The following SGK1 variants were observed in gnomAD, a reference collection of about 807,000 sequenced individuals.
The protein encoded by SGK1 is serum/glucocorticoid regulated kinase 1.
SGK1 carries 26 observed loss-of-function variants against 64.2 expected under a neutral mutation model. That is an observed-to-expected ratio of 0.40 (90% CI 0.30 to 0.56). The LOEUF (loss-of-function observed/expected upper bound fraction) is 0.56. Ranked by LOEUF, SGK1 falls within the 20% of genes least tolerant of loss-of-function variation. The pLI is 0.38. For synonymous variants in SGK1, 265 were observed against 239.7 expected (o/e 1.11, Z -0.98); for missense variants, 519 against 645.6 (o/e 0.80, Z 2.12).
intron 3 of SGK1, 188 bp from the exon 4 acceptor site, chr6:134,174,774 G>A (rs377644080): frequency 1.2e-6 from 2 of 1,614,202 alleles, no homozygotes; most frequent in South Asian, 1.1e-5. Context: ...GAGTAAGTGA[G>A]GGTGCCCTTA....
In SGK1 at chr6:134,171,035, G is replaced by A; in HGVS notation, c.1311C>T (p.Ala437=). The change falls in exon 12 of 14, where the codon GCC becomes GCT. Residue 437 remains alanine (A), a synonymous_variant. Coordinates refer to ENST00000367858, the MANE Select transcript of SGK1 (RefSeq NM_001143676.3). Reference sequence around the variant, plus strand: ...AAACATCACTCACGAAGTCATCCTTGGCCCCGAGCCGCTTTGTCCTGTCCT... The same window carrying A: ...AAACATCACTCACGAAGTCATCCTTAGCCCCGAGCCGCTTTGTCCTGTCCT... ...LQKDRTKRLG[A]KDDFMEIKSH... is the part of the protein sequence containing the mutation. 6.2e-7 allele frequency: 1 copy of A among 1,614,114 alleles called. No individual in the cohort carries two copies. The highest frequency in any genetic ancestry group is 8.5e-7 in the Non-Finnish European group (1 of 1,179,982).
intron 1 of SGK1, among the ~76,000 whole-genome samples, chr6:134,289,405 T>C (rs1407459931): frequency 6.6e-6 from 1 of 152,172 alleles, no homozygotes; most frequent in African/African-American, 2.4e-5. Flanking sequence ...AAGTGTATAG[T>C]CTAGAGGAGT....
intron 3 of SGK1, among the ~76,000 whole-genome samples, chr6:134,207,061 TA>T (rs959111420): frequency 4.0e-5 from 6 of 150,508 alleles, no homozygotes; most frequent in Non-Finnish European, 8.9e-5. Context: ...CCATCTCTAC[TA>T]AAAATACAAA....
chr6:134,170,309 G>A lies in SGK1; in HGVS notation c.1540C>T (p.Leu514=). 1.2e-6 allele frequency: 2 copies of A among 1,613,938 alleles called. No individual in the cohort carries two copies. Among genetic ancestry groups the A allele is most frequent in the Non-Finnish European group, 1.7e-6 (2 of 1,179,870 alleles). The change falls in exon 14 of 14, where the codon CTA becomes TTA. Residue 514 remains leucine (L), a synonymous_variant. Coordinates refer to ENST00000367858, the MANE Select transcript of SGK1 (RefSeq NM_001143676.3). ...GTGGGAGGCGCATAGGAAAAGCCTA[G>A]GAAAGCCTCGGCAGCTTCCTTGACG... ...ASVKEAAEAF[L]GFSYAPPTDS...
Position 134,207,172 on chromosome 6 carries a change from G to A in SGK1, c.361+184C>T, listed in dbSNP as rs964413680. Among the ~76,000 whole-genome samples the A allele has an allele frequency of 8.5e-5, 13 of 152,200 alleles. No homozygotes were observed. The East Asian group carries it at 2.5e-3, about 29-fold the overall frequency. ...ACCTGGGAGGCGGAGCTTGCAGTGA[G>A]CTGAGATTGCGCCACTGCCCTCCAA... is the stretch of plus-strand genomic sequence containing the variant. On this transcript the variant is annotated intron_variant, in intron 3 of 13. Transcript: ENST00000367858.
intron 2 of SGK1, among the ~76,000 whole-genome samples, chr6:134,240,938 A>C (rs549946303): frequency 2.6e-5 from 4 of 152,258 alleles, no homozygotes; most frequent in South Asian, 4.1e-4. Flanking sequence ...ACAAGACTGG[A>C]GAAGAAGCCC....
intron 3 of SGK1, among the ~76,000 whole-genome samples, chr6:134,185,956 C>G (rs1053146334): frequency 6.6e-6 from 1 of 152,142 alleles, no homozygotes; most frequent in African/African-American, 2.4e-5. Flanking sequence ...ACACTACCCC[C>G]CACACCCCCC....
chr6:134,286,722 C>T (rs1258229530), intron 1 of SGK1, among the ~76,000 whole-genome samples: 1 of 152,062 alleles, frequency 6.6e-6, no homozygotes, highest in Non-Finnish European at 1.5e-5. Context: ...CCGCCTCAGC[C>T]TCCCAAAGTG....
chr6:134,195,800 C>T (rs1015594733), intron 3 of SGK1, among the ~76,000 whole-genome samples: 3 of 152,148 alleles, frequency 2.0e-5, no homozygotes, highest in Non-Finnish European at 4.4e-5. Flanking sequence ...AGTTTTGTGT[C>T]TGGGGCTCCA....
At chr6:134,212,817 A>T (rs1408633842) in intron 2 of SGK1, among the ~76,000 whole-genome samples, 1 of 152,146 alleles carries the variant, frequency 6.6e-6, no homozygotes, top group East Asian at 1.9e-4. Flanking sequence ...CTATATACCT[A>T]TTTGGGAAAA....
At chr6:134,200,789 A>G (rs1016277766) in intron 3 of SGK1, among the ~76,000 whole-genome samples, 1 of 152,018 alleles carries the variant, frequency 6.6e-6, no homozygotes, top group African/African-American at 2.4e-5. Context: ...TTATAGTCCC[A>G]GCTTCTTGTG....
intron 1 of SGK1, among the ~76,000 whole-genome samples, chr6:134,264,552 A>C (rs1776820671): frequency 6.6e-6 from 1 of 152,168 alleles, no homozygotes; most frequent in South Asian, 2.1e-4. Flanking sequence ...ATATTCAACC[A>C]ATTAGTGAAA....
intron 3 of SGK1, among the ~76,000 whole-genome samples, chr6:134,183,114 C>G (rs540493591): frequency 3.3e-4 from 50 of 152,230 alleles, no homozygotes; most frequent in African/African-American, 1.2e-3. Flanking sequence ...TGAACCTAGC[C>G]TCTGTTAGTT....
chr6:134,219,657 G>C (rs1776048597), intron 2 of SGK1, among the ~76,000 whole-genome samples: 2 of 151,662 alleles, frequency 1.3e-5, no homozygotes, highest in Admixed American at 6.6e-5. Flanking sequence ...CTACTAGGGA[G>C]GCAGAGGCAG....
intron 3 of SGK1, among the ~76,000 whole-genome samples, chr6:134,181,656 C>T (rs1775333296): frequency 6.6e-6 from 1 of 151,528 alleles, no homozygotes; most frequent in Non-Finnish European, 1.5e-5. Flanking sequence ...AAGTCTCTCC[C>T]ATTTCTGAGC....
intron 3 of SGK1, among the ~76,000 whole-genome samples, chr6:134,202,228 A>T (rs1775698095): frequency 6.6e-6 from 1 of 152,242 alleles, no homozygotes; most frequent in Non-Finnish European, 1.5e-5. Context: ...AAAACAAAGT[A>T]GCCACGCAGA....
intron 1 of SGK1, among the ~76,000 whole-genome samples, chr6:134,268,722 CAA>C (rs559703087): frequency 3.6e-4 from 26 of 72,340 alleles, no homozygotes; most frequent in Admixed American, 3.1e-4. Flanking sequence ...GACTCTGTCT[CAA>C]AAAAAAAAAA....
chr6:134,246,141 C>T (rs1582739515), intron 2 of SGK1, among the ~76,000 whole-genome samples: 1 of 151,608 alleles, frequency 6.6e-6, no homozygotes, highest in East Asian at 1.9e-4. Context: ...AGGCTTGTTT[C>T]TTTTCTTTTT....
intron 2 of SGK1, among the ~76,000 whole-genome samples, chr6:134,248,883 T>TC (rs970062639): frequency 3.9e-5 from 6 of 152,302 alleles, no homozygotes; most frequent in Non-Finnish European, 8.8e-5. Flanking sequence ...TATCCCCCTC[T>TC]CCCTTCAACT....
Sources: allele counts gnomAD v4.1 joint callset (sites outside exome capture counted in the v4.1 genomes callset), GRCh38; gene constraint gnomAD v4.1.1; transcripts MANE v1.5; gene names NCBI Gene and HGNC (gene_info 2026-07-23, HGNC 2026-07-21).